POLK: variants seen among roughly 807,000 people sequenced by gnomAD.
The protein encoded by POLK is DNA polymerase kappa, also known as polymerase (DNA directed) kappa.
A neutral mutation model predicts 94.0 loss-of-function variants in POLK; 76 were observed. The observed-to-expected ratio is 0.81, with a 90% CI of 0.67 to 0.98. POLK has a LOEUF of 0.98. POLK is among the 50% of genes least tolerant of loss of function. The pLI is 0.00. For synonymous variants in POLK, 349 were observed against 325.4 expected (o/e 1.07, Z -0.78); for missense variants, 954 against 1,010.1 (o/e 0.94, Z 0.75).
exon 6 of POLK, chr5:75,576,846 A>C (rs1771904915): frequency 6.4e-7 from 1 of 1,565,678 alleles, no homozygotes; most frequent in Non-Finnish European, 8.7e-7. Flanking sequence ...AGCCTACTTG[A>C]ATATAACAAA....
intron 1 of POLK, among the ~76,000 whole-genome samples, chr5:75,525,977 C>G (rs1346376587): frequency 6.6e-6 from 1 of 152,102 alleles, no homozygotes; most frequent in African/African-American, 2.4e-5. Flanking sequence ...GTTAAAGACA[C>G]TTAAATGAAA....
At chr5:75,511,693 C>G, upstream of POLK, 1 of 1,539,330 alleles carries the variant, frequency 6.5e-7, no homozygotes, top group Non-Finnish European at 8.8e-7. Flanking sequence ...CTACTCCCCG[C>G]CCCGTCCCCC....
At chr5:75,547,975 G>A (rs936025974) in intron 2 of POLK, among the ~76,000 whole-genome samples, 17 of 152,022 alleles carry the variant, frequency 1.1e-4, no homozygotes, top group Admixed American at 4.6e-4. Flanking sequence ...CACCCAGGCC[G>A]GAGTCCAGTA....
At chr5:75,524,405 C>T (rs1322795234) in intron 1 of POLK, among the ~76,000 whole-genome samples, 3 of 152,144 alleles carry the variant, frequency 2.0e-5, no homozygotes, top group Admixed American at 1.3e-4. Flanking sequence ...TAATTGGCTG[C>T]TCTCCTCTCT....
downstream of POLK, among the ~76,000 whole-genome samples, chr5:75,602,411 C>T (rs574668069): frequency 7.9e-5 from 12 of 152,256 alleles, no homozygotes; most frequent in South Asian, 2.1e-4. Context: ...GGAAATTCCA[C>T]GAGCTCAGGT....
intron 1 of POLK, among the ~76,000 whole-genome samples, chr5:75,528,325 T>C (rs1297977735): frequency 5.3e-5 from 8 of 152,150 alleles, no homozygotes; most frequent in Admixed American, 4.6e-4. Flanking sequence ...GTCATTTTTG[T>C]ATAAAATATA....
intron 11 of POLK, among the ~76,000 whole-genome samples, chr5:75,592,804 A>T (rs974728658): frequency 1.3e-5 from 2 of 152,174 alleles, no homozygotes; most frequent in African/African-American, 4.8e-5. Context: ...CTGTAATCCC[A>T]GCACATTGGG....
At chr5:75,566,369 A>G (rs1771269921) in intron 3 of POLK, among the ~76,000 whole-genome samples, 1 of 152,152 alleles carries the variant, frequency 6.6e-6, no homozygotes, top group East Asian at 1.9e-4. Context: ...TTCCCAGGGA[A>G]TGAACGGTTC....
intron 3 of POLK, among the ~76,000 whole-genome samples, 178 bp from the exon 4 acceptor site, chr5:75,569,162 A>G (rs1771446896): frequency 6.6e-6 from 1 of 152,208 alleles, no homozygotes; most frequent in Non-Finnish European, 1.5e-5. Flanking sequence ...CCCATGAACA[A>G]CAAAATACAC....
chr5:75,608,868 A>C, the POLK span: 7 of 152,250 alleles, frequency 4.6e-5, no homozygotes, highest in Non-Finnish European at 8.8e-5. Context: ...GAGTAGGGCC[A>C]GATCATGTGG....
chr5:75,595,794 T>G (rs1320739597), intron 12 of POLK, among the ~76,000 whole-genome samples: 1 of 152,146 alleles, frequency 6.6e-6, no homozygotes, highest in Admixed American at 6.5e-5. Flanking sequence ...CACATGTTGA[T>G]AGTTGGGGTG....
intron 1 of POLK, among the ~76,000 whole-genome samples, chr5:75,539,337 T>G (rs1034390290): frequency 1.3e-5 from 2 of 152,078 alleles, no homozygotes; most frequent in East Asian, 3.8e-4. Context: ...TATTTAGGCA[T>G]GTATGATATG....
intron 6 of POLK, among the ~76,000 whole-genome samples, chr5:75,578,525 T>C (rs1285272430): frequency 6.6e-6 from 1 of 152,248 alleles, no homozygotes; most frequent in East Asian, 1.9e-4. Flanking sequence ...TAATATCTAT[T>C]GCTTTTAACA....
exon 15 of POLK, chr5:75,598,554 A>G (rs1773204951): frequency 6.6e-6 from 1 of 152,596 alleles, no homozygotes. Context: ...GTTTTTGCCT[A>G]AAATATAATT....
chr5:75,573,947 A>T (rs546960773), intron 5 of POLK, 78 bp downstream of exon 5: 45 of 1,448,894 alleles, frequency 3.1e-5, no homozygotes, highest in Non-Finnish European at 4.3e-5. Context: ...CAAGTGCCTT[A>T]GCACGTAGGA....
At chr5:75,511,849 G>A in exon 1 of POLK, 1 of 1,544,822 alleles carries the variant, frequency 6.5e-7, no homozygotes, top group South Asian at 1.2e-5. Context: ...CTGCATTCTG[G>A]GAAGGGCGTT....
At chr5:75,551,145 T>G (rs368618691) in intron 2 of POLK, among the ~76,000 whole-genome samples, 19 of 152,122 alleles carry the variant, frequency 1.2e-4, no homozygotes, top group Non-Finnish European at 2.5e-4. Context: ...TAGAAGAAAA[T>G]TTGAGAAAGC....
At chr5:75,525,471 G>A (rs1264258106) in intron 1 of POLK, among the ~76,000 whole-genome samples, 1 of 152,016 alleles carries the variant, frequency 6.6e-6, no homozygotes, top group East Asian at 1.9e-4. Context: ...TAACCAATAT[G>A]AAGAAGAGTA....
At chr5:75,584,498 A>G (rs1218929659) in intron 8 of POLK, among the ~76,000 whole-genome samples, 1 of 152,042 alleles carries the variant, frequency 6.6e-6, no homozygotes, top group Non-Finnish European at 1.5e-5. Context: ...AAGAAACCCC[A>G]TCTCTACTAA....
Sources: gnomAD v4.1 joint callset for allele counts (sites outside exome capture counted in the v4.1 genomes callset) on GRCh38, gnomAD v4.1.1 for gene constraint, MANE v1.5 for transcripts, NCBI Gene and HGNC (gene_info 2026-07-23, HGNC 2026-07-21) for gene names.